The following HYDIN variants were observed in gnomAD, a reference collection of about 807,000 sequenced individuals.
HYDIN encodes the protein axonemal central pair apparatus protein HYDIN.
A neutral mutation model predicts 403.9 loss-of-function variants in HYDIN; 132 were observed. The ratio of observed to expected loss-of-function variants is 0.33; its 90% CI spans 0.28 to 0.38. HYDIN has a LOEUF of 0.38. HYDIN is among the 10% of genes least tolerant of loss of function. The pLI is 1.00. For missense variants in HYDIN, 2,827 were observed against 5,009.5 expected (o/e 0.56, Z 13.15); for synonymous variants, 1,202 against 1,891.7 (o/e 0.64, Z 9.46).
intron 18 of HYDIN, among the ~76,000 whole-genome samples, chr16:71,037,336 T>TGGATGCTAA (rs1321682078): frequency 6.7e-6 from 1 of 149,484 alleles, no homozygotes; most frequent in African/African-American, 2.5e-5. Flanking sequence ...AAAACAAAGA[T>TGGATGCTAA]GGATGCTAAG....
intron 45 of HYDIN, among the ~76,000 whole-genome samples, chr16:70,922,152 G>A (rs1048117949): frequency 1.3e-5 from 2 of 152,120 alleles, no homozygotes; most frequent in Admixed American, 6.6e-5. Context: ...CCCTCATCTT[G>A]CTGCCCTTCC....
intron 24 of HYDIN, 65 bp from the exon 25 acceptor site, chr16:70,991,461 G>A (rs2079348565): frequency 3.0e-5 from 48 of 1,591,256 alleles, no homozygotes; most frequent in South Asian, 1.9e-4. Flanking sequence ...AGTCTCAGGT[G>A]CATAACAGCC....
In HYDIN at chr16:70,806,528, G is replaced by C. The variant is rs1236347001; in HGVS notation, c.*1052C>G. 6.6e-6 allele frequency among the ~76,000 whole-genome samples: 1 copy of C among 152,162 alleles called. No homozygotes were observed. The highest frequency in any genetic ancestry group is 1.5e-5 in the Non-Finnish European group (1 of 68,024). ...AGTCGATCTGACATGGGGACTGAGA[G>C]TTTGACTTTTAATAAATTCCCAGGT... is the stretch of plus-strand genomic sequence containing the variant. On this transcript the variant is annotated 3_prime_UTR_variant, in exon 86 of 86. Transcript: ENST00000393567.
At chr16:70,849,185 A>G (rs1257559441) in intron 75 of HYDIN, among the ~76,000 whole-genome samples, 2 of 152,222 alleles carry the variant, frequency 1.3e-5, no homozygotes, top group East Asian at 3.9e-4. Context: ...AGCTGGGATG[A>G]GGGAGGAGGG....
Position 70,938,770 on chromosome 16 carries a change from G to A in HYDIN, c.6854-15C>T. The A allele has an allele frequency of 6.2e-7, 1 of 1,613,570 alleles. No homozygotes were observed. Among genetic ancestry groups the A allele is most frequent in the Non-Finnish European group, 8.5e-7 (1 of 1,179,864 alleles). ...GTGCTTGCGTTCTGTGAGGGGAACAGAGACGGGAAGGTGAGGAAAAGTCCT... is the reference window on the plus strand; with the variant it reads ...GTGCTTGCGTTCTGTGAGGGGAACAAAGACGGGAAGGTGAGGAAAAGTCCT... On this transcript the variant is annotated splice_polypyrimidine_tract_variant and intron_variant, in intron 43 of 85. Transcript: ENST00000393567.
intron 48 of HYDIN, 40 bp downstream of exon 48, chr16:70,908,613 T>C: frequency 1.4e-6 from 2 of 1,463,826 alleles, no homozygotes; most frequent in Non-Finnish European, 1.9e-6. Context: ...AGTGTGGGCT[T>C]TGGCCCAGAT....
chr16:70,909,841 G>A (rs1186513121), intron 47 of HYDIN, among the ~76,000 whole-genome samples: 5 of 151,398 alleles, frequency 3.3e-5, no homozygotes, highest in South Asian at 2.1e-4. Context: ...GACTACAGGC[G>A]CCTGCCACCA....
rs1279574648 is a variant in HYDIN at position 71,000,755 on chromosome 16, A to G, written c.3645-8545T>C. Among the ~76,000 whole-genome samples, 4 of 151,786 alleles carry G rather than the reference A, an allele frequency of 2.6e-5. No homozygotes were observed. The East Asian group carries it at 5.8e-4, about 22-fold the overall frequency. Reference sequence around the variant, plus strand: ...ACCCCCCGGTCAGATAAATTAGCTGACCCACCGCAGCAGAAGAGGAGATTC... The same window carrying G: ...ACCCCCCGGTCAGATAAATTAGCTGGCCCACCGCAGCAGAAGAGGAGATTC... On this transcript the variant is annotated intron_variant, in intron 23 of 85. Coordinates refer to ENST00000393567, the MANE Select transcript of HYDIN (RefSeq NM_001270974.2).
chr16:71,180,547 G>A (rs1191505855), intron 3 of HYDIN, among the ~76,000 whole-genome samples: 4 of 151,962 alleles, frequency 2.6e-5, no homozygotes, highest in African/African-American at 9.7e-5. Context: ...TTATATATCT[G>A]AGAAAGACAC....
At chr16:70,883,836 G>T in intron 59 of HYDIN, 84 bp downstream of exon 59, 2 of 1,508,988 alleles carry the variant, frequency 1.3e-6, no homozygotes, top group Non-Finnish European at 1.8e-6. Context: ...CTCCCAAAGT[G>T]CTGGGATCAC....
intron 41 of HYDIN, among the ~76,000 whole-genome samples, chr16:70,944,554 G>A (rs1357607062): frequency 2.0e-5 from 3 of 152,102 alleles, no homozygotes; most frequent in East Asian, 1.9e-4. Flanking sequence ...GGGGAATCTC[G>A]GGGGCACATG....
At chr16:71,177,063 C>A (rs1192330686) in intron 4 of HYDIN, among the ~76,000 whole-genome samples, 2 of 152,154 alleles carry the variant, frequency 1.3e-5, no homozygotes, top group African/African-American at 2.4e-5. Flanking sequence ...GAACTGTCTG[C>A]CTCTTGGTAG....
At chr16:71,182,505 A>G (rs1487510951) in intron 3 of HYDIN, among the ~76,000 whole-genome samples, 1 of 152,158 alleles carries the variant, frequency 6.6e-6, no homozygotes, top group African/African-American at 2.4e-5. Flanking sequence ...GATGTAAAAT[A>G]GAGAGGCATC....
At chr16:70,838,418 T>G (rs1386303630) in intron 76 of HYDIN, among the ~76,000 whole-genome samples, 1 of 152,174 alleles carries the variant, frequency 6.6e-6, no homozygotes, top group Non-Finnish European at 1.5e-5. Flanking sequence ...CTTGAACTTC[T>G]GACCTCAGGT....
At chr16:71,043,455 G>A (rs1334545141) in intron 18 of HYDIN, among the ~76,000 whole-genome samples, 1 of 136,478 alleles carries the variant, frequency 7.3e-6, no homozygotes, top group Non-Finnish European at 1.7e-5. Flanking sequence ...TCATTTTCTT[G>A]TCTTTCTCCT....
At position 70,908,747 on chromosome 16, in the gene HYDIN, C is replaced by G. The variant is rs1286454601; in HGVS notation, c.8119G>C (p.Val2707Leu). 6.2e-7 allele frequency: 1 copy of G among 1,614,008 alleles called. No individual in the cohort carries two copies. ...GTTCCAGCAGGTTCCCCAGAAAGGA[C>G]CTTCCTGTTTAAGGCCATGTGACGC... Reference protein sequence around the residue: ...DKRHMALNRKVLSGEPAGTIS... With the variant: ...DKRHMALNRKLLSGEPAGTIS... The change falls in exon 48 of 86, where the codon GTC (valine) becomes CTC (leucine). Residue 2707 changes from valine to leucine, a missense_variant. By Grantham distance (32) the Val-to-Leu change is conservative. Transcript: ENST00000393567.
intron 1 of HYDIN, among the ~76,000 whole-genome samples, chr16:71,221,340 C>T (rs938933002): frequency 2.0e-5 from 3 of 151,886 alleles, no homozygotes; most frequent in East Asian, 3.9e-4. Context: ...CACCTGTGAG[C>T]TCCAAAAGCC....
In HYDIN at chr16:71,069,781, C is replaced by T. The variant is rs372769929; in HGVS notation, c.1739-279G>A. Reference sequence around the variant, plus strand: ...GATTAAACACCACATATAAAACAAGCCCCTTGATTGCCACTCAGGCCCTTC... The same window carrying T: ...GATTAAACACCACATATAAAACAAGTCCCTTGATTGCCACTCAGGCCCTTC... On this transcript the variant is annotated intron_variant, in intron 13 of 85. Coordinates refer to ENST00000393567, the MANE Select transcript of HYDIN (RefSeq NM_001270974.2). 2.4e-3 allele frequency among the ~76,000 whole-genome samples: 360 copies of T among 152,304 alleles called. 5 individuals carry two copies. The highest frequency in any genetic ancestry group is 8.0e-3 in the African/African-American group (333 of 41,560).
At chr16:70,976,641 C>A (rs1210095286) in intron 30 of HYDIN, among the ~76,000 whole-genome samples, 1 of 151,306 alleles carries the variant, frequency 6.6e-6, no homozygotes, top group Non-Finnish European at 1.5e-5. Context: ...GCTGGGAAAA[C>A]CCTTTTTTTT....
Sources: gnomAD v4.1 joint callset for allele counts (sites outside exome capture counted in the v4.1 genomes callset) on GRCh38, gnomAD v4.1.1 for gene constraint, MANE v1.5 for transcripts, NCBI Gene and HGNC (gene_info 2026-07-23, HGNC 2026-07-21) for gene names.